CFAP95: variants seen among roughly 807,000 people sequenced by gnomAD.
CFAP95 encodes the protein cilia- and flagella-associated protein 95.
At chr9:69,892,547 G>A in the CFAP95 span, among the ~76,000 whole-genome samples, 2 of 152,194 alleles carry the variant, frequency 1.3e-5, no homozygotes, top group Non-Finnish European at 2.9e-5. Flanking sequence ...AGCAGGTAGG[G>A]AAATACTGGG....
chr9:69,867,631 A>G, the CFAP95 span, among the ~76,000 whole-genome samples: 1 of 152,260 alleles, frequency 6.6e-6, no homozygotes, highest in Non-Finnish European at 1.5e-5. Flanking sequence ...TTTGATTAAT[A>G]GAATGTGGCA....
the CFAP95 span, among the ~76,000 whole-genome samples, chr9:69,847,607 T>G: frequency 6.6e-6 from 1 of 152,218 alleles, no homozygotes; most frequent in African/African-American, 2.4e-5. Flanking sequence ...TGCATATGTG[T>G]TGGGGCTTTG....
chr9:69,905,254 T>C, the CFAP95 span, among the ~76,000 whole-genome samples: 1 of 152,176 alleles, frequency 6.6e-6, no homozygotes, highest in East Asian at 1.9e-4. Context: ...AATTTCAACA[T>C]TGTCCTAGTG....
the CFAP95 span, chr9:69,821,037 C>A: frequency 6.2e-7 from 1 of 1,611,652 alleles, no homozygotes; most frequent in Non-Finnish European, 8.5e-7. Flanking sequence ...TCCTGGTGAG[C>A]GAAGTCCCCT....
chr9:69,830,908 C>T, the CFAP95 span, among the ~76,000 whole-genome samples: 1 of 152,166 alleles, frequency 6.6e-6, no homozygotes, highest in Non-Finnish European at 1.5e-5. Context: ...GATCCTCCAA[C>T]CTTGGCCTCC....
the CFAP95 span, among the ~76,000 whole-genome samples, chr9:69,900,610 AC>A: frequency 6.6e-6 from 1 of 152,162 alleles, no homozygotes; most frequent in Non-Finnish European, 1.5e-5. Context: ...TAGACACTGT[AC>A]ACCCCACAGA....
the CFAP95 span, among the ~76,000 whole-genome samples, chr9:69,843,403 T>C: frequency 6.7e-6 from 1 of 148,702 alleles, no homozygotes; most frequent in Non-Finnish European, 1.5e-5. Context: ...TTCTCCTACT[T>C]TTTCCTTCTC....
At chr9:69,856,807 GC>G in the CFAP95 span, 1 of 508,634 alleles carries the variant, frequency 2.0e-6, no homozygotes, top group Non-Finnish European at 3.5e-6. Flanking sequence ...AAGCTTCCAT[GC>G]TTTCTGCTCA....
the CFAP95 span, among the ~76,000 whole-genome samples, chr9:69,888,673 T>A: frequency 6.6e-6 from 1 of 152,124 alleles, no homozygotes; most frequent in African/African-American, 2.4e-5. Context: ...GTCAGACATT[T>A]GCAACCAGCC....
the CFAP95 span, among the ~76,000 whole-genome samples, chr9:69,836,433 C>G: frequency 6.6e-6 from 1 of 152,074 alleles, no homozygotes; most frequent in Admixed American, 6.6e-5. Flanking sequence ...TAGAAGTATA[C>G]GCAACAATGT....
At chr9:69,892,457 G>A in the CFAP95 span, among the ~76,000 whole-genome samples, 1 of 152,140 alleles carries the variant, frequency 6.6e-6, no homozygotes, top group Non-Finnish European at 1.5e-5. Flanking sequence ...GCCCTTTATT[G>A]TTTAATGAGG....
chr9:69,827,725 G>A, the CFAP95 span, among the ~76,000 whole-genome samples: 1 of 152,174 alleles, frequency 6.6e-6, no homozygotes. Context: ...AGGACTTGGT[G>A]TCTCTGCCTC....
At chr9:69,866,351 A>G in the CFAP95 span, among the ~76,000 whole-genome samples, 1 of 152,164 alleles carries the variant, frequency 6.6e-6, no homozygotes, top group Non-Finnish European at 1.5e-5. Flanking sequence ...ATTCACTTAG[A>G]GTCTGAAGGC....
the CFAP95 span, chr9:69,857,783 C>T: frequency 2.5e-4 from 183 of 744,464 alleles, 1 homozygote; most frequent in Admixed American, 4.2e-4. Context: ...CCGTCTCGGC[C>T]TCCCAAAGTT....
At chr9:69,865,656 T>C in the CFAP95 span, among the ~76,000 whole-genome samples, 1 of 152,160 alleles carries the variant, frequency 6.6e-6, no homozygotes, top group Non-Finnish European at 1.5e-5. Context: ...AGTTTGCAAG[T>C]TATAGAGGAC....
the CFAP95 span, among the ~76,000 whole-genome samples, chr9:69,835,941 A>C: frequency 1.3e-5 from 2 of 152,170 alleles, no homozygotes; most frequent in Admixed American, 6.5e-5. Context: ...CTCCGCTGAC[A>C]CGGAGCTGGG....
chr9:69,856,138 T>C, the CFAP95 span, among the ~76,000 whole-genome samples: 1 of 152,202 alleles, frequency 6.6e-6, no homozygotes, highest in African/African-American at 2.4e-5. Context: ...TTAATTGAAT[T>C]ATGCTGTATG....
chr9:69,878,961 G>A, the CFAP95 span, among the ~76,000 whole-genome samples: 1 of 152,096 alleles, frequency 6.6e-6, no homozygotes, highest in Non-Finnish European at 1.5e-5. Context: ...GAGTTGGGGG[G>A]CAGGAGCTAC....
At chr9:69,897,741 G>C in the CFAP95 span, among the ~76,000 whole-genome samples, 227 of 152,254 alleles carry the variant, frequency 1.5e-3, no homozygotes, top group Middle Eastern at 3.4e-3. Context: ...CAATGGGGGT[G>C]GAGGTGGAGT....
Sources: allele counts gnomAD v4.1 joint callset (sites outside exome capture counted in the v4.1 genomes callset), GRCh38; gene constraint gnomAD v4.1.1; transcripts MANE v1.5; gene names NCBI Gene and HGNC (gene_info 2026-07-23, HGNC 2026-07-21).